The following RBFOX1 variants were observed in gnomAD, a reference collection of about 807,000 sequenced individuals.
RBFOX1 encodes RNA binding fox-1 homolog 1, also known as RNA binding protein fox-1 homolog 1.
A neutral mutation model predicts 57.7 loss-of-function variants in RBFOX1; 8 were observed. The observed-to-expected ratio is 0.14, with a 90% CI of 0.08 to 0.25. The LOEUF is 0.25. RBFOX1 is among the 10% of genes least tolerant of loss of function. RBFOX1 has a pLI of 1.00. For synonymous variants in RBFOX1, 326 were observed against 222.4 expected, an observed-to-expected ratio of 1.47 and a Z score of -4.15; for missense variants, 611 against 548.5, an observed-to-expected ratio of 1.11 and a Z score of -1.14.
At chr16:6,463,134 T>C (rs979593426) in intron 2 of RBFOX1, among the ~76,000 whole-genome samples, 7 of 152,226 alleles carry the variant, frequency 4.6e-5, no homozygotes, top group East Asian at 1.9e-4. Context: ...TGTAATACTT[T>C]ATAGTTTTTT....
At chr16:6,061,063 T>C (rs1429792846) in intron 1 of RBFOX1, among the ~76,000 whole-genome samples, 1 of 152,148 alleles carries the variant, frequency 6.6e-6, no homozygotes. Context: ...ACCCATGCAT[T>C]CATTTACACT....
chr16:6,604,286 C>T (rs1299698959), intron 2 of RBFOX1, among the ~76,000 whole-genome samples: 2 of 151,886 alleles, frequency 1.3e-5, no homozygotes, highest in African/African-American at 2.4e-5. Flanking sequence ...AGAAAAAAAC[C>T]TCAATAAATA....
chr16:7,589,015 C>T (rs993583861), intron 7 of RBFOX1, among the ~76,000 whole-genome samples: 3 of 152,190 alleles, frequency 2.0e-5, no homozygotes, highest in African/African-American at 4.8e-5. Flanking sequence ...ATTTTACAAT[C>T]GTTCTCGAAC....
chr16:6,829,454 C>G (rs1484865055), intron 3 of RBFOX1, among the ~76,000 whole-genome samples: 1 of 146,876 alleles, frequency 6.8e-6, no homozygotes, highest in Admixed American at 6.9e-5. Flanking sequence ...TTGGGTCTGT[C>G]CATGCAATGA....
intron 4 of RBFOX1, among the ~76,000 whole-genome samples, chr16:7,338,752 A>T (rs1467616480): frequency 6.6e-6 from 1 of 152,248 alleles, no homozygotes; most frequent in South Asian, 2.1e-4. Flanking sequence ...GAGAGTAACC[A>T]TCCTTATAGA....
At chr16:7,574,665 C>T (rs1380011589) in intron 5 of RBFOX1, among the ~76,000 whole-genome samples, 1 of 152,114 alleles carries the variant, frequency 6.6e-6, no homozygotes, top group South Asian at 2.1e-4. Flanking sequence ...AGATGGGGCC[C>T]ACCCAGATTG....
At chr16:6,748,978 GATAAA>G (rs1568450794) in intron 3 of RBFOX1, 1 of 151,896 alleles carries the variant, frequency 6.6e-6, no homozygotes, top group Non-Finnish European at 1.5e-5. Context: ...TCTCCTAATT[GATAAA>G]ATAAAAATAT....
At chr16:6,845,071 T>A (rs1423671662) in intron 3 of RBFOX1, among the ~76,000 whole-genome samples, 1 of 152,218 alleles carries the variant, frequency 6.6e-6, no homozygotes, top group African/African-American at 2.4e-5. Context: ...TTGTACACTC[T>A]GGATATTAGA....
intron 3 of RBFOX1, among the ~76,000 whole-genome samples, chr16:5,723,294 C>G (rs983609443): frequency 1.3e-4 from 20 of 152,204 alleles, no homozygotes; most frequent in African/African-American, 4.3e-4. Context: ...ATTCGTCTGC[C>G]ATTGGAGAAG....
intron 3 of RBFOX1, among the ~76,000 whole-genome samples, chr16:7,018,422 A>C (rs1449900809): frequency 1.3e-5 from 2 of 152,124 alleles, no homozygotes. Flanking sequence ...GGTGTTCATG[A>C]ATATTGTCTT....
At chr16:7,312,630 C>G (rs1057195181) in intron 4 of RBFOX1, among the ~76,000 whole-genome samples, 1 of 152,044 alleles carries the variant, frequency 6.6e-6, no homozygotes, top group Non-Finnish European at 1.5e-5. Flanking sequence ...CTGCTTGTGT[C>G]ACTGGATTGT....
At chr16:6,109,048 A>G (rs1290709173) in intron 1 of RBFOX1, among the ~76,000 whole-genome samples, 1 of 152,220 alleles carries the variant, frequency 6.6e-6, no homozygotes, top group East Asian at 1.9e-4. Flanking sequence ...AGCTTAATAC[A>G]GTGGGTTAGA....
intron 4 of RBFOX1, among the ~76,000 whole-genome samples, chr16:7,509,448 G>GGTGA: frequency 7.2e-5 from 11 of 151,852 alleles, no homozygotes; most frequent in Non-Finnish European, 1.5e-4. Context: ...CTGTGTCTGT[G>GGTGA]TGTGGTTTTT....
At chr16:6,119,379 G>C (rs185928974) in intron 1 of RBFOX1, among the ~76,000 whole-genome samples, 4 of 152,138 alleles carry the variant, frequency 2.6e-5, no homozygotes, top group African/African-American at 7.2e-5. Flanking sequence ...GAGGGTCAAC[G>C]ATGTCTTTAT....
At chr16:5,753,866 A>AAC (rs2053302266) in intron 3 of RBFOX1, among the ~76,000 whole-genome samples, 2 of 152,024 alleles carry the variant, frequency 1.3e-5, no homozygotes, top group Admixed American at 6.5e-5. Context: ...TGAAAAAAAA[A>AAC]AACACAAAAA....
At chr16:7,671,348 T>C (rs751386907) in intron 13 of RBFOX1, among the ~76,000 whole-genome samples, 1 of 152,222 alleles carries the variant, frequency 6.6e-6, no homozygotes, top group Non-Finnish European at 1.5e-5. Flanking sequence ...CATCTCCACC[T>C]TGATACTCTC....
At chr16:5,615,943 C>T (rs2048007878) in intron 3 of RBFOX1, among the ~76,000 whole-genome samples, 1 of 152,170 alleles carries the variant, frequency 6.6e-6, no homozygotes, top group African/African-American at 2.4e-5. Context: ...GGGAACGCTT[C>T]TTTCCCCTCT....
chr16:5,465,982 A>G (rs906790708), intron 1 of RBFOX1, among the ~76,000 whole-genome samples: 1 of 152,036 alleles, frequency 6.6e-6, no homozygotes, highest in Non-Finnish European at 1.5e-5. Flanking sequence ...CCTTGATGGG[A>G]CCAGTTGGTT....
At position 7,399,120 on chromosome 16, in the gene RBFOX1, G is replaced by A. The variant is rs145035172; in HGVS notation, c.28-119027G>A. Among the ~76,000 whole-genome samples the A allele has an allele frequency of 6.6e-3, 1,001 of 152,252 alleles. 8 individuals carry two copies. Among genetic ancestry groups the A allele is most frequent in the Middle Eastern group, 0.024 (7 of 294 alleles). On this transcript the variant is annotated intron_variant, in intron 4 of 15. Transcript: ENST00000550418. The stretch of plus-strand genomic sequence containing the variant: ...GTAACAAAGCTGCACTTGTACCCCC[G>A]AATCCAACATGAAAGTTGAAATTAT...
Sources: gnomAD v4.1 joint callset for allele counts (sites outside exome capture counted in the v4.1 genomes callset) on GRCh38, gnomAD v4.1.1 for gene constraint, MANE v1.5 for transcripts, NCBI Gene and HGNC (gene_info 2026-07-23, HGNC 2026-07-21) for gene names.